RBFOX1: variants seen among roughly 807,000 people sequenced by gnomAD.
RBFOX1 encodes the protein RNA binding protein fox-1 homolog 1.
A neutral mutation model predicts 57.7 loss-of-function variants in RBFOX1; 8 were observed. That is an observed-to-expected ratio of 0.14 (90% CI 0.08 to 0.25). RBFOX1 has a LOEUF of 0.25. Ranked by LOEUF, RBFOX1 falls within the 10% of genes least tolerant of loss-of-function variation. RBFOX1 has a pLI of 1.00. For synonymous variants in RBFOX1, 326 were observed against 222.4 expected, an observed-to-expected ratio of 1.47 and a Z score of -4.15; for missense variants, 611 against 548.5, an observed-to-expected ratio of 1.11 and a Z score of -1.14.
chr16:7,291,218 A>G (rs1603509325), intron 4 of RBFOX1, among the ~76,000 whole-genome samples: 1 of 152,180 alleles, frequency 6.6e-6, no homozygotes, highest in African/African-American at 2.4e-5. Context: ...AGCATTCAAT[A>G]CTGTGCCCTA....
chr16:7,223,727 A>AGG (rs1555597282), intron 4 of RBFOX1, among the ~76,000 whole-genome samples: 10 of 151,198 alleles, frequency 6.6e-5, no homozygotes, highest in Non-Finnish European at 1.3e-4. Context: ...AAAAAAAAAA[A>AGG]AAAAGAAAAA....
intron 4 of RBFOX1, among the ~76,000 whole-genome samples, chr16:5,922,167 G>C (rs1001021781): frequency 1.3e-5 from 2 of 151,932 alleles, no homozygotes; most frequent in African/African-American, 4.8e-5. Context: ...TCTCGACAAA[G>C]AAACAAACCC....
At chr16:7,115,310 C>T (rs369367606) in intron 4 of RBFOX1, among the ~76,000 whole-genome samples, 4 of 152,094 alleles carry the variant, frequency 2.6e-5, no homozygotes, top group Non-Finnish European at 4.4e-5. Context: ...GTGCCAGCAA[C>T]GTTGCTAGGC....
chr16:7,059,825 T>A (rs1057193126), intron 4 of RBFOX1, among the ~76,000 whole-genome samples: 1 of 152,174 alleles, frequency 6.6e-6, no homozygotes, highest in African/African-American at 2.4e-5. Context: ...CAGCTGCACT[T>A]TTCATTGTAA....
At chr16:7,691,060 C>G (rs996770118) in intron 14 of RBFOX1, among the ~76,000 whole-genome samples, 5 of 152,116 alleles carry the variant, frequency 3.3e-5, no homozygotes. Flanking sequence ...TAGAAAGGCA[C>G]TTTCTGACAC....
chr16:5,797,928 G>A (rs540620926), intron 3 of RBFOX1, among the ~76,000 whole-genome samples: 1 of 152,174 alleles, frequency 6.6e-6, no homozygotes, highest in East Asian at 1.9e-4. Flanking sequence ...TAATTGGATG[G>A]GACACCATAG....
intron 4 of RBFOX1, among the ~76,000 whole-genome samples, chr16:5,976,564 C>A (rs1419134801): frequency 6.6e-6 from 1 of 152,084 alleles, no homozygotes; most frequent in Non-Finnish European, 1.5e-5. Flanking sequence ...CTCTATCCTG[C>A]CATCCTTGAA....
intron 4 of RBFOX1, among the ~76,000 whole-genome samples, chr16:5,984,978 T>TATATA (rs1567221832): frequency 4.5e-4 from 23 of 51,574 alleles, no homozygotes; most frequent in African/African-American, 1.8e-3. Flanking sequence ...ATATATATAT[T>TATATA]TTTTTTTTTT....
intron 3 of RBFOX1, among the ~76,000 whole-genome samples, chr16:5,801,289 C>T (rs2055046368): frequency 6.6e-6 from 1 of 150,444 alleles, no homozygotes. Context: ...TAAGCACTTT[C>T]AAATTATGCA....
intron 14 of RBFOX1, among the ~76,000 whole-genome samples, chr16:7,701,662 G>A: frequency 6.6e-6 from 1 of 152,166 alleles, no homozygotes; most frequent in East Asian, 1.9e-4. Context: ...AAGCTTTGAG[G>A]ATAAGTGAGC....
intron 14 of RBFOX1, among the ~76,000 whole-genome samples, chr16:7,694,349 A>G (rs929119321): frequency 3.3e-5 from 5 of 152,218 alleles, no homozygotes; most frequent in African/African-American, 7.2e-5. Flanking sequence ...TTATGTGCCA[A>G]TGTTTCACTC....
chr16:7,043,135 C>T (rs934179254), intron 3 of RBFOX1, among the ~76,000 whole-genome samples: 1 of 148,306 alleles, frequency 6.7e-6, no homozygotes, highest in Admixed American at 6.8e-5. Context: ...CGCCCAACTC[C>T]TATTTACTCA....
chr16:6,663,279 T>G (rs1460536361), intron 3 of RBFOX1, among the ~76,000 whole-genome samples: 1 of 152,186 alleles, frequency 6.6e-6, no homozygotes, highest in Non-Finnish European at 1.5e-5. Flanking sequence ...ACGGCTCAGC[T>G]TAAGTATTTG....
At chr16:6,123,676 G>A (rs1442152596) in intron 1 of RBFOX1, among the ~76,000 whole-genome samples, 3 of 152,160 alleles carry the variant, frequency 2.0e-5, no homozygotes, top group African/African-American at 2.4e-5. Flanking sequence ...AGGCTGAGGT[G>A]GGTGGATCAT....
chr16:7,019,037 CTG>C (rs1444341071), intron 3 of RBFOX1, among the ~76,000 whole-genome samples: 2 of 151,890 alleles, frequency 1.3e-5, no homozygotes, highest in African/African-American at 4.8e-5. Flanking sequence ...CTGAAAAAAA[CTG>C]TTCCTGGTTT....
chr16:6,721,221 T>A (rs2065928611), intron 3 of RBFOX1, among the ~76,000 whole-genome samples: 1 of 152,182 alleles, frequency 6.6e-6, no homozygotes, highest in Non-Finnish European at 1.5e-5. Context: ...GGCAGGTGGA[T>A]CACCTGAGGT....
chr16:7,533,677 C>T (rs2080730239), intron 5 of RBFOX1, among the ~76,000 whole-genome samples: 1 of 152,086 alleles, frequency 6.6e-6, no homozygotes, highest in Admixed American at 6.6e-5. Flanking sequence ...ATGTACTGTA[C>T]TGAAAGGAAA....
intron 2 of RBFOX1, among the ~76,000 whole-genome samples, chr16:5,521,677 C>A (rs1422929295): frequency 6.6e-6 from 1 of 152,186 alleles, no homozygotes; most frequent in Non-Finnish European, 1.5e-5. Context: ...GCAATCAGGT[C>A]TGCTGCAGAT....
intron 1 of RBFOX1, among the ~76,000 whole-genome samples, chr16:6,058,559 G>C (rs4300647): frequency 0.28 from 42,724 of 151,642 alleles, 6,267 homozygotes; most frequent in Non-Finnish European, 0.32. Context: ...ATTCATCCAT[G>C]CATCCACCAT....
Sources: allele counts gnomAD v4.1 joint callset (sites outside exome capture counted in the v4.1 genomes callset), GRCh38; gene constraint gnomAD v4.1.1; transcripts MANE v1.5; gene names NCBI Gene and HGNC (gene_info 2026-07-23, HGNC 2026-07-21).